The following PMPCA variants were observed in gnomAD, a reference collection of about 807,000 sequenced individuals.
The protein encoded by PMPCA is peptidase, mitochondrial processing subunit alpha, also known as mitochondrial-processing peptidase subunit alpha.
A neutral mutation model predicts 59.3 loss-of-function variants in PMPCA; 47 were observed. The ratio of observed to expected loss-of-function variants is 0.79; its 90% CI spans 0.63 to 1.01. The LOEUF is 1.01. Among genes scored for constraint, PMPCA ranks in the 50% least tolerant of loss-of-function variants. The pLI is 0.00. For synonymous variants in PMPCA, 338 were observed against 290.3 expected, an observed-to-expected ratio of 1.16 and a Z score of -1.67; for missense variants, 726 against 704.5, an observed-to-expected ratio of 1.03 and a Z score of -0.34.
At position 136,414,726 on chromosome 9, in the gene PMPCA, C is replaced by G. The variant is rs1835227756; in HGVS notation, c.532+79C>G. 4.7e-6 allele frequency: 4 copies of G among 857,466 alleles called. No individual in the cohort carries two copies. The Admixed American group carries it at 6.9e-5, about 15-fold the overall frequency. 53.1% of individuals were successfully genotyped at this position (857,466 alleles called of 1,614,324 possible). On this transcript the variant is annotated intron_variant, in intron 5 of 12. Transcript: ENST00000371717. ...GAAAGGTTTGCAGAAGCCCTGTAGC[C>G]ATGAGGGAGAGCACCATGTAATTGG...
At chr9:136,417,673 C>T (rs1835320199) in intron 7 of PMPCA, among the ~76,000 whole-genome samples, 1 of 151,966 alleles carries the variant, frequency 6.6e-6, no homozygotes, top group Non-Finnish European at 1.5e-5. Context: ...CCAGGCTGGT[C>T]TCGAACTCCT....
intron 4 of PMPCA, among the ~76,000 whole-genome samples, chr9:136,413,694 C>G (rs1835197125): frequency 6.6e-6 from 1 of 152,152 alleles, no homozygotes; most frequent in African/African-American, 2.4e-5. Flanking sequence ...CTCACTCATC[C>G]CAGATGAACT....
chr9:136,411,119 G>T, intron 1 of PMPCA: 1 of 217,862 alleles, frequency 4.6e-6, no homozygotes, highest in Non-Finnish European at 9.0e-6. Flanking sequence ...CAGGCTCTCG[G>T]TTGCTGCGGT....
intron 4 of PMPCA, 151 bp from the exon 5 acceptor site, chr9:136,414,402 A>G: frequency 1.6e-6 from 1 of 624,346 alleles, no homozygotes; most frequent in Non-Finnish European, 2.9e-6. Flanking sequence ...TGCCCCTGGC[A>G]TGCAAAGCCC....
intron 5 of PMPCA, among the ~76,000 whole-genome samples, chr9:136,415,598 C>T (rs1290709395): frequency 6.6e-6 from 1 of 152,196 alleles, no homozygotes; most frequent in East Asian, 1.9e-4. Flanking sequence ...ATCTTGTGGT[C>T]ACAACTGATG....
Position 136,421,819 on chromosome 9 carries a change from A to C in PMPCA, c.1264-13A>C. On this transcript the variant is annotated splice_polypyrimidine_tract_variant and intron_variant, in intron 11 of 12. Coordinates refer to ENST00000371717, the MANE Select transcript of PMPCA (RefSeq NM_015160.3). ...GGCGGGTGTGTGCTCACCTGACTGG[A>C]CCCTGGCCCCAGGTGGAGCTGGAAC... 1 of 1,576,762 alleles carries C rather than the reference A, an allele frequency of 6.3e-7. No homozygotes were observed. The highest frequency in any genetic ancestry group is 8.6e-7 in the Non-Finnish European group (1 of 1,157,102).
At chr9:136,414,764 A>G (rs1484855996) in intron 5 of PMPCA, 117 bp downstream of exon 5, 2 of 678,262 alleles carry the variant, frequency 2.9e-6, no homozygotes, top group Non-Finnish European at 5.4e-6. Flanking sequence ...CTTTAGGCCA[A>G]CACAAAGTGA....
intron 4 of PMPCA, among the ~76,000 whole-genome samples, chr9:136,413,300 G>A (rs1835187042): frequency 6.6e-6 from 1 of 152,192 alleles, no homozygotes; most frequent in African/African-American, 2.4e-5. Flanking sequence ...CTAGACACAC[G>A]GGGCACAAGG....
chr9:136,418,952 G>T, intron 10 of PMPCA, 34 bp downstream of exon 10: 1 of 1,606,286 alleles, frequency 6.2e-7, no homozygotes, highest in Non-Finnish European at 8.5e-7. Context: ...CCTCAGTGCG[G>T]TTGCCTGTCC....
intron 12 of PMPCA, chr9:136,422,348 C>T (rs1033325441): frequency 1.7e-6 from 2 of 1,152,450 alleles, no homozygotes; most frequent in Non-Finnish European, 2.2e-6. Context: ...TGCCGCTGTA[C>T]CGTTGCTGGC....
At chr9:136,422,882 C>T in intron 12 of PMPCA, 2 of 1,382,352 alleles carry the variant, frequency 1.4e-6, no homozygotes, top group South Asian at 3.5e-5. Flanking sequence ...TAAGTCATTG[C>T]CATGTCCCCA....
Position 136,418,594 on chromosome 9 carries a change from A to G in PMPCA, c.1030A>G (p.Met344Val), listed in dbSNP as rs1564423465. 6.2e-7 allele frequency: 1 copy of G among 1,613,694 alleles called. No individual in the cohort carries two copies. Among genetic ancestry groups the G allele is most frequent in the African/African-American group, 1.3e-5 (1 of 74,990 alleles). The change falls in exon 9 of 13, where the codon ATG becomes GTG. Residue 344 changes from methionine to valine, a missense_variant. Met to Val is a conservative substitution (Grantham distance 21, BLOSUM62 1). Coordinates refer to ENST00000371717, the MANE Select transcript of PMPCA (RefSeq NM_015160.3). ...FIPFAVLNMM[M>V]GGGGSFSAGG... ...CCCCTTTGCAGTGTTGAACATGATGATGGGCGGAGGTGGCTCCTTCTCGGC... is the reference window on the plus strand; with the variant it reads ...CCCCTTTGCAGTGTTGAACATGATGGTGGGCGGAGGTGGCTCCTTCTCGGC...
In PMPCA at chr9:136,412,627, T is replaced by G. The variant is rs1835166783; in HGVS notation, c.354+58T>G. On this transcript the variant is annotated intron_variant, in intron 3 of 12. Coordinates refer to ENST00000371717, the MANE Select transcript of PMPCA (RefSeq NM_015160.3). Reference sequence around the variant, plus strand: ...TACTTTTGAAGGATGTTTGAGATTTTTCTTGTCTATAATGGTTATTTTAAT... The same window carrying G: ...TACTTTTGAAGGATGTTTGAGATTTGTCTTGTCTATAATGGTTATTTTAAT... 1.9e-5 allele frequency: 18 copies of G among 928,106 alleles called. No homozygotes were observed. The South Asian group carries it at 2.2e-4, about 12-fold the overall frequency. 57.5% of individuals were successfully genotyped at this position (928,106 alleles called of 1,614,324 possible).
At chr9:136,416,646 T>C (rs1370890952) in intron 6 of PMPCA, 2 of 599,298 alleles carry the variant, frequency 3.3e-6, no homozygotes, top group East Asian at 5.6e-5. Context: ...CGCACTCAGC[T>C]TAGAACATTC....
intron 11 of PMPCA, chr9:136,420,725 T>G (rs1835424178): frequency 6.6e-6 from 1 of 152,240 alleles, no homozygotes; most frequent in Non-Finnish European, 1.5e-5. Flanking sequence ...TGAAGTCAAC[T>G]TGAAATAAAT....
intron 11 of PMPCA, chr9:136,420,734 A>G (rs1259452130): frequency 6.6e-6 from 1 of 152,260 alleles, no homozygotes; most frequent in Non-Finnish European, 1.5e-5. Flanking sequence ...CTTGAAATAA[A>G]TATGAAGTAT....
At chr9:136,421,705 C>T (rs925314063) in intron 11 of PMPCA, 127 bp from the exon 12 acceptor site, 79 of 883,290 alleles carry the variant, frequency 8.9e-5, no homozygotes, top group Non-Finnish European at 4.0e-5. Context: ...AGCCACTGCG[C>T]CCGGCTGCCC....
Position 136,412,005 on chromosome 9 carries a change from C to A in PMPCA, c.80C>A (p.Pro27His). 1 of 1,609,000 alleles carries A rather than the reference C, an allele frequency of 6.2e-7. No homozygotes were observed. Among genetic ancestry groups the A allele is most frequent in the Non-Finnish European group, 8.5e-7 (1 of 1,175,700 alleles). The change falls in exon 2 of 13, where the codon CCT becomes CAT. Residue 27 changes from proline (P) to histidine (H), a missense_variant. Pro to His is a moderately conservative substitution (Grantham distance 77). Coordinates refer to ENST00000371717, the MANE Select transcript of PMPCA (RefSeq NM_015160.3). Reference protein sequence around the residue: ...SWGCSRLRFGPPAYRRFSSGG... With the variant: ...SWGCSRLRFGHPAYRRFSSGG... ...CGCTTTCTCTGTTTTAGGTTTGGAC[C>A]TCCTGCGTACAGACGGTTTAGTAGT...
chr9:136,418,960 T>C, intron 10 of PMPCA, 42 bp downstream of exon 10: 1 of 1,603,452 alleles, frequency 6.2e-7, no homozygotes, highest in Non-Finnish European at 8.5e-7. Context: ...CGGTTGCCTG[T>C]CCAGACCTGG....
Sources: gnomAD v4.1 joint callset for allele counts (sites outside exome capture counted in the v4.1 genomes callset) on GRCh38, gnomAD v4.1.1 for gene constraint, MANE v1.5 for transcripts, NCBI Gene and HGNC (gene_info 2026-07-23, HGNC 2026-07-21) for gene names.